Variants in ARID5B observed in about 807,000 individuals in gnomAD.
ARID5B encodes the protein AT-rich interactive domain-containing protein 5B.
Under a neutral mutation model 97.2 loss-of-function variants are expected in ARID5B, and 13 were observed. That is an observed-to-expected ratio of 0.13 (90% CI 0.09 to 0.21). The LOEUF is 0.21. Among genes scored for constraint, ARID5B ranks in the 10% least tolerant of loss-of-function variants. ARID5B has a pLI of 1.00. For synonymous variants in ARID5B, 556 were observed against 570.3 expected (o/e 0.97, Z 0.36); for missense variants, 1,210 against 1,465.3 (o/e 0.83, Z 2.84).
intron 5 of ARID5B, among the ~76,000 whole-genome samples, chr10:62,055,901 G>A (rs1270799001): frequency 1.3e-5 from 2 of 151,882 alleles, no homozygotes; most frequent in Admixed American, 6.6e-5. Context: ...AAAAAGGTTC[G>A]AAATCCTGTA....
At chr10:61,965,143 G>A (rs186796718) in intron 3 of ARID5B, among the ~76,000 whole-genome samples, 99 of 152,254 alleles carry the variant, frequency 6.5e-4, no homozygotes, top group African/African-American at 2.3e-3. Context: ...TAAACATTGC[G>A]AATGGATGGC....
intron 3 of ARID5B, among the ~76,000 whole-genome samples, chr10:61,966,413 C>G (rs1009020964): frequency 6.6e-6 from 1 of 152,138 alleles, no homozygotes; most frequent in African/African-American, 2.4e-5. Context: ...TCCAAGACTC[C>G]TAGAATTGTA....
chr10:62,095,384 AG>A lies in ARID5B; in HGVS notation c.*2361del, dbSNP rs144577578. On this transcript the variant is annotated 3_prime_UTR_variant, in exon 10 of 10. Transcript: ENST00000279873. ...GAGTTCGTGTCTCAAAAAAAAAAGG[AG>A]GGGGGGCATCTGTCCCCGGTGGAGC... The A allele has an allele frequency of 1.7e-3, 399 of 231,974 alleles. No individual in the cohort carries two copies. The highest frequency in any genetic ancestry group is 7.7e-3 in the Middle Eastern group (6 of 784). 14.4% of individuals were successfully genotyped at this position (231,974 alleles called of 1,614,324 possible).
intron 5 of ARID5B, among the ~76,000 whole-genome samples, chr10:62,055,012 T>C (rs913912402): frequency 6.6e-5 from 10 of 152,176 alleles, no homozygotes; most frequent in African/African-American, 4.8e-5. Flanking sequence ...AGGTGCTCAA[T>C]TGAAAACTGA....
intron 8 of ARID5B, among the ~76,000 whole-genome samples, chr10:62,081,134 A>G (rs1045914893): frequency 3.3e-5 from 5 of 152,170 alleles, no homozygotes; most frequent in Admixed American, 6.5e-5. Context: ...ACATGCACCA[A>G]TGTTATTTCC....
intron 3 of ARID5B, among the ~76,000 whole-genome samples, chr10:61,954,567 T>A (rs114932355): frequency 0.023 from 3,517 of 152,172 alleles, 141 homozygotes; most frequent in African/African-American, 0.081. Context: ...GTAAAACATG[T>A]GTATTGCTGA....
chr10:62,089,983 A>G (rs80190997), intron 9 of ARID5B, among the ~76,000 whole-genome samples: 1 of 152,352 alleles, frequency 6.6e-6, no homozygotes, highest in Non-Finnish European at 1.5e-5. Flanking sequence ...GAAAGTTAAA[A>G]TGACCTCCTA....
At chr10:62,064,769 T>G (rs559941138) in intron 7 of ARID5B, among the ~76,000 whole-genome samples, 8 of 152,212 alleles carry the variant, frequency 5.3e-5, no homozygotes, top group African/African-American at 1.9e-4. Context: ...GTTTTTTGTT[T>G]GTTTTTGTTT....
intron 2 of ARID5B, among the ~76,000 whole-genome samples, chr10:61,924,628 T>C (rs1182287902): frequency 6.6e-6 from 1 of 152,220 alleles, no homozygotes; most frequent in Admixed American, 6.5e-5. Context: ...CTAAATCATA[T>C]GTTTATGTTT....
chr10:61,921,379 C>A (rs966964550), intron 2 of ARID5B, among the ~76,000 whole-genome samples: 40 of 152,216 alleles, frequency 2.6e-4, no homozygotes, highest in African/African-American at 9.6e-4. Flanking sequence ...ATACTTCAGA[C>A]CCACTCACTT....
At position 62,023,772 on chromosome 10, in the gene ARID5B, C is replaced by A. The variant is rs1037852258; in HGVS notation, c.733+23451C>A. 2.7e-4 allele frequency among the ~76,000 whole-genome samples: 41 copies of A among 152,226 alleles called. 1 individual carries two copies. Among genetic ancestry groups the A allele is most frequent in the Non-Finnish European group, 1.5e-5 (1 of 68,034 alleles). ...ACTTTTTAAGAGAGCTATTTCTGAT[C>A]TCCAAATCAAGCCACAAATATTTAT... On this transcript the variant is annotated intron_variant, in intron 4 of 9. Transcript: ENST00000279873.
At chr10:61,938,896 AC>A (rs1236529101) in intron 2 of ARID5B, among the ~76,000 whole-genome samples, 4 of 139,504 alleles carry the variant, frequency 2.9e-5, no homozygotes, top group South Asian at 2.3e-4. Context: ...AAAAAAAAAA[AC>A]CCTCAACCCA....
intron 2 of ARID5B, among the ~76,000 whole-genome samples, chr10:61,909,908 T>C (rs557437386): frequency 6.1e-4 from 93 of 152,310 alleles, no homozygotes; most frequent in Middle Eastern, 3.4e-3. Context: ...GGAGGCAGCA[T>C]CTCTGTTTCG....
At chr10:61,978,171 G>A (rs903078622) in intron 3 of ARID5B, among the ~76,000 whole-genome samples, 5 of 152,176 alleles carry the variant, frequency 3.3e-5, no homozygotes, top group African/African-American at 1.2e-4. Context: ...GATGGTTGTA[G>A]ATGTGTGGTA....
intron 3 of ARID5B, among the ~76,000 whole-genome samples, chr10:61,991,249 A>T (rs978499153): frequency 1.3e-5 from 2 of 152,210 alleles, no homozygotes; most frequent in African/African-American, 4.8e-5. Flanking sequence ...AATTCTGTAT[A>T]TAAATTTTTA....
At chr10:61,906,781 A>T (rs1003657750) in intron 2 of ARID5B, among the ~76,000 whole-genome samples, 3 of 152,216 alleles carry the variant, frequency 2.0e-5, no homozygotes, top group East Asian at 3.8e-4. Context: ...AGGAGTCTGA[A>T]TTTTAAATAT....
intron 5 of ARID5B, 147 bp downstream of exon 5, chr10:62,051,147 G>A: frequency 1.4e-6 from 1 of 738,382 alleles, no homozygotes; most frequent in Non-Finnish European, 2.4e-6. Flanking sequence ...TCTATGCTGT[G>A]CCTGTTCCTG....
chr10:61,990,581 T>A (rs1222455805), intron 3 of ARID5B, among the ~76,000 whole-genome samples: 1 of 152,126 alleles, frequency 6.6e-6, no homozygotes, highest in Non-Finnish European at 1.5e-5. Context: ...CTCTCAAAGG[T>A]CTAGGAGGGA....
At chr10:62,058,007 G>A (rs879019061) in intron 6 of ARID5B, among the ~76,000 whole-genome samples, 3 of 152,174 alleles carry the variant, frequency 2.0e-5, no homozygotes, top group Middle Eastern at 3.2e-3. Context: ...TGCACAAAGC[G>A]ATGAGCCTCT....
Sources: allele counts gnomAD v4.1 joint callset (sites outside exome capture counted in the v4.1 genomes callset), GRCh38; gene constraint gnomAD v4.1.1; transcripts MANE v1.5; gene names NCBI Gene and HGNC (gene_info 2026-07-23, HGNC 2026-07-21).